The following VEPH1 variants were observed in gnomAD, a reference collection of about 807,000 sequenced individuals.
VEPH1 encodes ventricular zone-expressed PH domain-containing protein homolog 1.
VEPH1 carries 80 observed loss-of-function variants against 85.2 expected under a neutral mutation model. That is an observed-to-expected ratio of 0.94 (90% confidence interval 0.78 to 1.13). The LOEUF (loss-of-function observed/expected upper bound fraction) is 1.13. Ranked by LOEUF, VEPH1 falls within the 50% of genes most tolerant of loss-of-function variation. The probability of loss-of-function intolerance (pLI) is 0.00; values close to 1 mark genes in which losing one functional copy is unlikely to be tolerated. For missense variants in VEPH1, 955 were observed against 980.5 expected (o/e 0.97, Z 0.35); for synonymous variants, 297 against 348.0 (o/e 0.85, Z 1.63).
At chr3:157,310,740 C>T (rs1720020199) in intron 11 of VEPH1, among the ~76,000 whole-genome samples, 1 of 152,122 alleles carries the variant, frequency 6.6e-6, no homozygotes, top group Non-Finnish European at 1.5e-5. Flanking sequence ...CTCCTACAAT[C>T]ATCATCATCA....
At chr3:157,486,485 C>CA (rs576141960) in intron 2 of VEPH1, among the ~76,000 whole-genome samples, 9,735 of 118,224 alleles carry the variant, frequency 0.082, 826 homozygotes, top group African/African-American at 0.2. Context: ...GACTCTGACT[C>CA]AAAAAAAAAA....
chr3:157,478,807 T>C (rs1223548859), intron 2 of VEPH1, among the ~76,000 whole-genome samples: 1 of 152,192 alleles, frequency 6.6e-6, no homozygotes, highest in Non-Finnish European at 1.5e-5. Context: ...CAGGTATAGA[T>C]ACATCAGTTA....
intron 5 of VEPH1, among the ~76,000 whole-genome samples, chr3:157,423,796 T>C (rs1214034151): frequency 6.6e-6 from 1 of 152,242 alleles, no homozygotes; most frequent in Non-Finnish European, 1.5e-5. Context: ...AAATCATTTC[T>C]TGTCAAAGGA....
At position 157,276,589 on chromosome 3, in the gene VEPH1, C is replaced by T. The variant is rs1015366002; in HGVS notation, c.2128+9968G>A. Among the ~76,000 whole-genome samples, 6 of 152,076 alleles carry T rather than the reference C, an allele frequency of 3.9e-5. No homozygotes were observed. The East Asian group carries it at 7.7e-4, about 20-fold the overall frequency. On this transcript the variant is annotated intron_variant, in intron 12 of 13. Transcript: ENST00000362010. ...ACCAATTGTAGGGAGAAAACTATGA[C>T]CTTTTGATAAAATTAAAGACAAGGA...
chr3:157,304,541 G>T (rs1469742290), intron 11 of VEPH1, among the ~76,000 whole-genome samples: 1 of 152,004 alleles, frequency 6.6e-6, no homozygotes, highest in African/African-American at 2.4e-5. Context: ...CTGAAGTGTT[G>T]GGTAGCACAT....
intron 9 of VEPH1, among the ~76,000 whole-genome samples, chr3:157,342,756 A>G (rs1445375057): frequency 6.6e-6 from 1 of 152,226 alleles, no homozygotes; most frequent in African/African-American, 2.4e-5. Flanking sequence ...ACTTATTCCA[A>G]AATTGACCAC....
intron 12 of VEPH1, among the ~76,000 whole-genome samples, chr3:157,272,358 T>TTC (rs1714728532): frequency 8.2e-6 from 1 of 122,678 alleles, no homozygotes; most frequent in Non-Finnish European, 1.9e-5. Context: ...TTCTCTCTCT[T>TTC]TCTTTCTTTC....
At chr3:157,473,834 G>C (rs942966882) in intron 2 of VEPH1, among the ~76,000 whole-genome samples, 5 of 151,948 alleles carry the variant, frequency 3.3e-5, no homozygotes, top group African/African-American at 1.2e-4. Flanking sequence ...TTTAAATAAA[G>C]AATAAATTGT....
chr3:157,371,434 C>A lies in VEPH1; in HGVS notation c.1128-6922G>T, dbSNP rs12639520. 2.8e-3 allele frequency among the ~76,000 whole-genome samples: 421 copies of A among 152,248 alleles called. 5 individuals carry two copies. The East Asian group carries it at 0.043, about 16-fold the overall frequency. On this transcript the variant is annotated intron_variant, in intron 7 of 13. Coordinates refer to ENST00000362010, the MANE Select transcript of VEPH1 (RefSeq NM_001167912.2). The stretch of plus-strand genomic sequence containing the variant: ...AACCAACATGGGAGAGAATAAGACA[C>A]GGAAAAGGGATCAGCAAAAAGTGCA...
At chr3:157,339,510 G>A (rs1375634674) in intron 9 of VEPH1, among the ~76,000 whole-genome samples, 1 of 152,114 alleles carries the variant, frequency 6.6e-6, no homozygotes, top group Non-Finnish European at 1.5e-5. Flanking sequence ...TGGACAAGTA[G>A]GGCAAAGGTA....
intron 2 of VEPH1, among the ~76,000 whole-genome samples, chr3:157,482,986 T>C (rs1428758099): frequency 6.6e-6 from 1 of 152,186 alleles, no homozygotes; most frequent in Non-Finnish European, 1.5e-5. Flanking sequence ...TTGATATTTT[T>C]ATACATTTAT....
At chr3:157,459,722 C>A in intron 4 of VEPH1, 1 of 1,415,674 alleles carries the variant, frequency 7.1e-7, no homozygotes, top group Non-Finnish European at 9.2e-7. Flanking sequence ...TGCTTGTTAT[C>A]CAAATCATGT....
At chr3:157,465,351 T>C (rs765113550) in intron 3 of VEPH1, among the ~76,000 whole-genome samples, 1 of 152,206 alleles carries the variant, frequency 6.6e-6, no homozygotes, top group Non-Finnish European at 1.5e-5. Flanking sequence ...TTAGAAAGCA[T>C]CCAGTGTTAT....
intron 7 of VEPH1, among the ~76,000 whole-genome samples, chr3:157,378,446 G>A (rs143015601): frequency 6.7e-6 from 1 of 149,902 alleles, no homozygotes; most frequent in African/African-American, 2.5e-5. Context: ...CAATTGAAAG[G>A]GGGTGCTTCT....
At chr3:157,498,121 T>A (rs1312578795) in intron 1 of VEPH1, among the ~76,000 whole-genome samples, 4 of 152,208 alleles carry the variant, frequency 2.6e-5, no homozygotes, top group Non-Finnish European at 5.9e-5. Flanking sequence ...GAGAAGCACC[T>A]TTAGGATAGC....
chr3:157,301,357 C>A (rs1718779340), intron 11 of VEPH1, among the ~76,000 whole-genome samples: 1 of 152,142 alleles, frequency 6.6e-6, no homozygotes, highest in Non-Finnish European at 1.5e-5. Flanking sequence ...CAGGAAATAA[C>A]CTTTTTTTGT....
At chr3:157,295,603 G>GCACTGATGAAGTAATA (rs6148156) in intron 11 of VEPH1, among the ~76,000 whole-genome samples, 1 of 151,882 alleles carries the variant, frequency 6.6e-6, no homozygotes, top group East Asian at 1.9e-4. Flanking sequence ...GCAGAGAGCT[G>GCACTGATGAAGTAATA]GTGTTGGAGG....
intron 4 of VEPH1, among the ~76,000 whole-genome samples, chr3:157,435,658 C>T (rs1264877401): frequency 6.6e-6 from 1 of 152,188 alleles, no homozygotes; most frequent in African/African-American, 2.4e-5. Context: ...CCAGAGGGGC[C>T]CTAGCATCAG....
chr3:157,490,839 A>G (rs1739154657), intron 2 of VEPH1, among the ~76,000 whole-genome samples: 1 of 152,230 alleles, frequency 6.6e-6, no homozygotes. Context: ...ATTGCCAATT[A>G]CAACAATGTT....
Sources: gnomAD v4.1 joint callset for allele counts (sites outside exome capture counted in the v4.1 genomes callset) on GRCh38, gnomAD v4.1.1 for gene constraint, MANE v1.5 for transcripts, NCBI Gene and HGNC (gene_info 2026-07-23, HGNC 2026-07-21) for gene names.